The following NDUFA10 variants were observed in gnomAD, a reference collection of about 807,000 sequenced individuals.
NDUFA10 encodes the protein NADH:ubiquinone oxidoreductase subunit A10.
NDUFA10 carries 40 observed loss-of-function variants against 47.8 expected under a neutral mutation model. The observed-to-expected ratio is 0.84, with a 90% CI of 0.65 to 1.09. The LOEUF is 1.09. NDUFA10 is among the 50% of genes least tolerant of loss of function. The probability of loss-of-function intolerance (pLI) is 0.00; values close to 1 mark genes in which losing one functional copy is unlikely to be tolerated. For missense variants in NDUFA10, 413 were observed against 451.1 expected, an observed-to-expected ratio of 0.92 and a Z score of 0.76; for synonymous variants, 183 against 172.2, an observed-to-expected ratio of 1.06 and a Z score of -0.49.
At chr2:240,012,719 T>G (rs1024626901) in intron 5 of NDUFA10, 1 of 152,332 alleles carries the variant, frequency 6.6e-6, no homozygotes, top group East Asian at 1.9e-4. Flanking sequence ...TTACTGAACA[T>G]GTATTAATTC....
chr2:240,013,323 T>A, intron 5 of NDUFA10: 1 of 152,234 alleles, frequency 6.6e-6, no homozygotes, highest in Non-Finnish European at 1.5e-5. Context: ...TATTGAAGAC[T>A]TTACTTGGAA....
intron 4 of NDUFA10, among the ~76,000 whole-genome samples, chr2:239,933,122 T>C (rs1176279117): frequency 3.9e-5 from 6 of 151,998 alleles, no homozygotes; most frequent in Non-Finnish European, 5.9e-5. Context: ...GCAGGTCACA[T>C]CGGAGTGAGG....
At chr2:239,936,557 A>G (rs1322438993) in intron 4 of NDUFA10, among the ~76,000 whole-genome samples, 1 of 152,166 alleles carries the variant, frequency 6.6e-6, no homozygotes, top group Non-Finnish European at 1.5e-5. Context: ...CAGGACAGGG[A>G]CACTCTGGTG....
chr2:239,905,420 T>C (rs540597836), intron 4 of NDUFA10, among the ~76,000 whole-genome samples: 1 of 152,314 alleles, frequency 6.6e-6, no homozygotes, highest in African/African-American at 2.4e-5. Flanking sequence ...CCTCGAAGAT[T>C]TGCACCGGGA....
At chr2:239,940,180 C>A (rs1694338426) in intron 4 of NDUFA10, among the ~76,000 whole-genome samples, 3 of 152,372 alleles carry the variant, frequency 2.0e-5, no homozygotes, top group African/African-American at 4.8e-5. Context: ...ATACTCAACT[C>A]CAGGCAAAAC....
chr2:239,980,787 C>T (rs1695741423), intron 9 of NDUFA10, among the ~76,000 whole-genome samples: 1 of 152,162 alleles, frequency 6.6e-6, no homozygotes, highest in South Asian at 2.1e-4. Flanking sequence ...GCCGCGGTGC[C>T]CTCGGGACGC....
intron 4 of NDUFA10, among the ~76,000 whole-genome samples, chr2:239,937,542 T>TA (rs1163986068): frequency 6.6e-6 from 1 of 152,214 alleles, no homozygotes; most frequent in African/African-American, 2.4e-5. Flanking sequence ...TTTTATGGCC[T>TA]AATGAGTCTG....
intron 4 of NDUFA10, among the ~76,000 whole-genome samples, chr2:239,939,446 G>T (rs1694322968): frequency 1.3e-5 from 2 of 152,236 alleles, no homozygotes; most frequent in Admixed American, 1.3e-4. Context: ...AGCTCCCTGG[G>T]GGGCCACCCG....
intron 9 of NDUFA10, among the ~76,000 whole-genome samples, chr2:239,988,529 C>T (rs1696098016): frequency 6.6e-6 from 1 of 152,146 alleles, no homozygotes; most frequent in Non-Finnish European, 1.5e-5. Context: ...TTCTGCCTTA[C>T]TGGAGAAGGA....
At chr2:239,953,894 C>T (rs192504620), downstream of NDUFA10, among the ~76,000 whole-genome samples, 30 of 152,324 alleles carry the variant, frequency 2.0e-4, no homozygotes, top group Non-Finnish European at 3.7e-4. Flanking sequence ...AGGTGGAGGA[C>T]GCCCCCGCCG....
Position 240,003,003 on chromosome 2 carries a change from C to T in NDUFA10, c.890+2207G>A, listed in dbSNP as rs572438920. Among the ~76,000 whole-genome samples the T allele has an allele frequency of 4.6e-5, 7 of 152,208 alleles. No individual in the cohort carries two copies. In the South Asian group the frequency reaches 1.5e-3, roughly 32 times the overall value. ...TAGCTGAAACTATAGGCATGCACCA[C>T]CATACCCAGATAATTTTTAAATTTT... On this transcript the variant is annotated intron_variant, in intron 8 of 9. Coordinates refer to ENST00000252711, the MANE Select transcript of NDUFA10 (RefSeq NM_004544.4).
intron 9 of NDUFA10, among the ~76,000 whole-genome samples, chr2:239,977,970 C>A (rs1306693633): frequency 1.3e-5 from 2 of 152,204 alleles, no homozygotes; most frequent in Non-Finnish European, 2.9e-5. Context: ...CCAGCCTCCC[C>A]TCAGCAGACT....
chr2:239,986,166 A>G (rs1343277652), intron 9 of NDUFA10, among the ~76,000 whole-genome samples: 1 of 152,262 alleles, frequency 6.6e-6, no homozygotes. Context: ...AGCCAGAAGT[A>G]TAAAAAACAG....
At chr2:239,975,427 C>T (rs1317433386) in intron 9 of NDUFA10, among the ~76,000 whole-genome samples, 1 of 152,176 alleles carries the variant, frequency 6.6e-6, no homozygotes, top group Non-Finnish European at 1.5e-5. Flanking sequence ...CCCCAGGGGC[C>T]CTGCAAGAAG....
At chr2:240,002,330 CAAAAAAA>C (rs61475593) in intron 8 of NDUFA10, among the ~76,000 whole-genome samples, 3 of 83,750 alleles carry the variant, frequency 3.6e-5, no homozygotes, top group East Asian at 3.0e-4. Context: ...AACTCTGACT[CAAAAAAA>C]AAAAAAAAAA....
chr2:240,001,721 C>T (rs1013339936), intron 8 of NDUFA10, among the ~76,000 whole-genome samples: 2 of 152,242 alleles, frequency 1.3e-5, no homozygotes, highest in Admixed American at 1.3e-4. Flanking sequence ...TCGGAATAAA[C>T]CAATGTTTGA....
chr2:239,954,730 A>G (rs1306740011), downstream of NDUFA10, among the ~76,000 whole-genome samples: 1 of 152,244 alleles, frequency 6.6e-6, no homozygotes, highest in African/African-American at 2.4e-5. Context: ...CAGCTAAAAA[A>G]TAGCATTTTT....
chr2:239,991,931 G>A (rs1024517676), intron 8 of NDUFA10, among the ~76,000 whole-genome samples: 1 of 152,168 alleles, frequency 6.6e-6, no homozygotes. Flanking sequence ...ATTACATGTA[G>A]TCCCGGAAAA....
chr2:239,972,317 G>C (rs1167068334), intron 9 of NDUFA10, among the ~76,000 whole-genome samples: 2 of 152,086 alleles, frequency 1.3e-5, no homozygotes, highest in Admixed American at 6.5e-5. Context: ...TGTGTACCGG[G>C]TGGGCTTCAC....
Sources: allele counts gnomAD v4.1 joint callset (sites outside exome capture counted in the v4.1 genomes callset), GRCh38; gene constraint gnomAD v4.1.1; transcripts MANE v1.5; gene names NCBI Gene and HGNC (gene_info 2026-07-23, HGNC 2026-07-21).